Variants in PTK2B observed in about 807,000 individuals in gnomAD.
The protein encoded by PTK2B is protein-tyrosine kinase 2-beta.
In PTK2B, 71 loss-of-function variants were observed where a neutral mutation model predicts 142.9. That is an observed-to-expected ratio of 0.50 (90% confidence interval 0.41 to 0.61). The LOEUF (loss-of-function observed/expected upper bound fraction) is 0.61. Among genes scored for constraint, PTK2B ranks in the 20% least tolerant of loss-of-function variants. The pLI, the probability that PTK2B is intolerant of heterozygous loss-of-function variation, is 0.00. For synonymous variants in PTK2B, 519 were observed against 503.4 expected, an observed-to-expected ratio of 1.03 and a Z score of -0.42; for missense variants, 1,105 against 1,320.4, an observed-to-expected ratio of 0.84 and a Z score of 2.53.
At chr8:27,360,247 G>A (rs1322488462) in intron 1 of PTK2B, among the ~76,000 whole-genome samples, 2 of 152,226 alleles carry the variant, frequency 1.3e-5, no homozygotes, top group South Asian at 2.1e-4. Context: ...CTAGGGTGAC[G>A]CATAAAGAGA....
upstream of PTK2B, among the ~76,000 whole-genome samples, chr8:27,321,213 C>A (rs1199532159): frequency 6.6e-6 from 1 of 151,758 alleles, no homozygotes; most frequent in Non-Finnish European, 1.5e-5. Context: ...CCAGGCTGGC[C>A]TCGAACTCTT....
At position 27,453,077 on chromosome 8, in the gene PTK2B, G is replaced by A. The variant is rs758130046; in HGVS notation, c.2549-37G>A. On this transcript the variant is annotated intron_variant, in intron 27 of 30. Transcript: ENST00000346049. ...GTACGAAGGGAAGGGTTGGAGTGCT[G>A]AGAACTGCCCCCCACTTGCTGTTCT... is the stretch of plus-strand genomic sequence containing the variant. The A allele has an allele frequency of 1.1e-5, 18 of 1,612,480 alleles. No individual in the cohort carries two copies. The East Asian group carries it at 3.8e-4, about 34-fold the overall frequency.
chr8:27,330,152 C>T (rs545261026), intron 1 of PTK2B, among the ~76,000 whole-genome samples: 72 of 152,186 alleles, frequency 4.7e-4, no homozygotes, highest in African/African-American at 1.6e-3. Context: ...CAGATGCACC[C>T]GCTTAATAAT....
intron 1 of PTK2B, among the ~76,000 whole-genome samples, chr8:27,360,613 A>T (rs1292660357): frequency 6.7e-6 from 1 of 150,270 alleles, no homozygotes; most frequent in Non-Finnish European, 1.5e-5. Flanking sequence ...CCCCATGGCG[A>T]TGCAATCATA....
chr8:27,355,665 G>A (rs1404530397), intron 1 of PTK2B, among the ~76,000 whole-genome samples: 1 of 152,174 alleles, frequency 6.6e-6, no homozygotes, highest in Non-Finnish European at 1.5e-5. Context: ...TTCTGACTCA[G>A]TAATTCTAGC....
chr8:27,337,667 AT>A (rs1236200467), intron 1 of PTK2B, among the ~76,000 whole-genome samples: 2 of 152,192 alleles, frequency 1.3e-5, no homozygotes, highest in African/African-American at 4.8e-5. Context: ...AACTTCCTCC[AT>A]GTTGTAACAT....
At chr8:27,352,583 G>A (rs1805161549) in intron 1 of PTK2B, among the ~76,000 whole-genome samples, 1 of 152,172 alleles carries the variant, frequency 6.6e-6, no homozygotes, top group Non-Finnish European at 1.5e-5. Context: ...ATATGGTTTG[G>A]CTGTGTCCCC....
chr8:27,310,697 G>C (rs567531651), upstream of PTK2B: 2 of 1,305,706 alleles, frequency 1.5e-6, no homozygotes, highest in African/African-American at 1.5e-5. Flanking sequence ...AGCGAGACGC[G>C]GGCACACTGG....
chr8:27,375,764 A>T (rs1046006562), intron 1 of PTK2B, among the ~76,000 whole-genome samples: 2 of 152,092 alleles, frequency 1.3e-5, no homozygotes, highest in African/African-American at 4.8e-5. Context: ...GCCCCCAGCT[A>T]TATAGAAGCG....
intron 30 of PTK2B, among the ~76,000 whole-genome samples, chr8:27,455,292 G>A (rs752993): frequency 0.4 from 61,295 of 151,862 alleles, 12,966 homozygotes; most frequent in Middle Eastern, 0.54. Context: ...GGCTGGGTGT[G>A]GAAACTCACA....
chr8:27,453,291 CGGGGTTAG>C, intron 28 of PTK2B, 131 bp downstream of exon 28: 1 of 1,174,770 alleles, frequency 8.5e-7, no homozygotes, highest in South Asian at 1.4e-5. Flanking sequence ...AGATGAAGCC[CGGGGTTAG>C]GGGGCGGGTG....
intron 1 of PTK2B, among the ~76,000 whole-genome samples, chr8:27,328,504 CCTT>C (rs1457613405): frequency 1.3e-5 from 2 of 152,144 alleles, no homozygotes; most frequent in East Asian, 1.9e-4. Context: ...TAAAAATGGT[CCTT>C]CTTTCCAGTG....
rs1247993919 is a variant in PTK2B, at chr8:27,397,402, G to A, written c.-37-146G>A. 8 of 639,118 alleles carry A rather than the reference G, an allele frequency of 1.3e-5. No homozygotes were observed. In the Admixed American group the frequency reaches 2.0e-4, roughly 16 times the overall value. The allele number at this position is 639,118 out of a possible 1,614,324, so 39.6% of individuals were successfully genotyped here. A position where few individuals can be genotyped will look rare whatever the true frequency, so the allele number is the denominator to read the frequency against. ...GCATCTTTCCCAGTCAAGAGAGCCA[G>A]GTGCCTTGCAGGGGAGCTTTTGGGA... On this transcript the variant is annotated intron_variant, in intron 1 of 30. Coordinates refer to ENST00000346049, the MANE Select transcript of PTK2B (RefSeq NM_173176.3).
intron 5 of PTK2B, among the ~76,000 whole-genome samples, chr8:27,422,906 C>G (rs996322114): frequency 2.6e-5 from 4 of 152,078 alleles, no homozygotes; most frequent in African/African-American, 4.8e-5. Context: ...GAGGATGGCA[C>G]CAACTTCCAT....
intron 1 of PTK2B, among the ~76,000 whole-genome samples, chr8:27,332,132 A>G (rs1803790105): frequency 6.6e-6 from 1 of 152,220 alleles, no homozygotes; most frequent in African/African-American, 2.4e-5. Flanking sequence ...CCCCTAGCTC[A>G]TTACAGGCAG....
intron 1 of PTK2B, among the ~76,000 whole-genome samples, chr8:27,372,177 C>T (rs1363157260): frequency 6.6e-6 from 1 of 152,180 alleles, no homozygotes. Flanking sequence ...TTGATAAAAT[C>T]TTCAGTTTCT....
chr8:27,416,518 A>G (rs1044287378), intron 2 of PTK2B, among the ~76,000 whole-genome samples: 2 of 127,266 alleles, frequency 1.6e-5, no homozygotes, highest in South Asian at 2.4e-4. Context: ...AAAACTAAAA[A>G]TTAAAACTGT....
chr8:27,313,243 A>G (rs1447863152), exon 3 of PTK2B: 1 of 152,280 alleles, frequency 6.6e-6, no homozygotes, highest in African/African-American at 2.4e-5. Context: ...TTCACCTTCC[A>G]CTGTGATTGT....
In PTK2B at chr8:27,454,534, G is replaced by A; in HGVS notation, c.2737G>A (p.Val913Met). The change falls in exon 30 of 31, where the codon GTG becomes ATG. Residue 913 changes from valine to methionine, a missense_variant. Coordinates refer to ENST00000346049, the MANE Select transcript of PTK2B (RefSeq NM_173176.3). The part of the protein sequence containing the change: ...PEGYVVVVKN[V>M]GLTLRKLIGS... Reference sequence around the variant, plus strand: ...TCCTGCCCCTTTCTCCCCCCAGAATGTGGGGCTGACCCTGCGGAAGCTCAT... The same window carrying A: ...TCCTGCCCCTTTCTCCCCCCAGAATATGGGGCTGACCCTGCGGAAGCTCAT... 1 of 1,614,140 alleles carries A rather than the reference G, an allele frequency of 6.2e-7. No homozygotes were observed. The highest frequency in any genetic ancestry group is 8.5e-7 in the Non-Finnish European group (1 of 1,179,982).
Sources: gnomAD v4.1 joint callset for allele counts (sites outside exome capture counted in the v4.1 genomes callset) on GRCh38, gnomAD v4.1.1 for gene constraint, MANE v1.5 for transcripts, NCBI Gene and HGNC (gene_info 2026-07-23, HGNC 2026-07-21) for gene names.